MAP3K3: variants seen among roughly 807,000 people sequenced by gnomAD.
MAP3K3 encodes mitogen-activated protein kinase kinase kinase 3.
Under a neutral mutation model 80.9 loss-of-function variants are expected in MAP3K3, and 12 were observed. That is an observed-to-expected ratio of 0.15 (90% CI 0.10 to 0.24). The LOEUF (loss-of-function observed/expected upper bound fraction) is 0.24. Ranked by LOEUF, MAP3K3 falls within the 10% of genes least tolerant of loss-of-function variation. The pLI is 1.00. For synonymous variants in MAP3K3, 272 were observed against 307.1 expected, an observed-to-expected ratio of 0.89 and a Z score of 1.19; for missense variants, 596 against 834.7, an observed-to-expected ratio of 0.71 and a Z score of 3.52.
intron 5 of MAP3K3, among the ~76,000 whole-genome samples, chr17:63,658,497 T>C (rs1370981481): frequency 2.6e-5 from 4 of 152,218 alleles, no homozygotes; most frequent in African/African-American, 9.6e-5. Flanking sequence ...GAAGGATTCC[T>C]GGAGGCCCGC....
At position 63,692,315 on chromosome 17, in the gene MAP3K3, G is replaced by A. The variant is rs754638634; in HGVS notation, c.1548G>A (p.Thr516=). 20 of 1,613,946 alleles carry A rather than the reference G, an allele frequency of 1.2e-5. No individual in the cohort carries two copies. Among genetic ancestry groups the A allele is most frequent in the Non-Finnish European group, 1.6e-5 (19 of 1,180,006 alleles). The change falls in exon 15 of 16, where the codon ACG becomes ACA. Residue 516 remains threonine, a synonymous_variant. Transcript: ENST00000361733. The surrounding 1 kb of genome is among the most constrained non-coding windows in gnomAD (Gnocchi z 4.5). Reference sequence around the variant, plus strand: ...TTGGGGCCAGCAAACGCCTGCAGACGATCTGTATGTCGGGGACGGGCATGC... The same window carrying A: ...TTGGGGCCAGCAAACGCCTGCAGACAATCTGTATGTCGGGGACGGGCATGC... The part of the protein sequence containing the change: ...GDFGASKRLQ[T]ICMSGTGMRS...
intron 7 of MAP3K3, among the ~76,000 whole-genome samples, chr17:63,685,134 T>C (rs2035420544): frequency 6.6e-6 from 1 of 152,154 alleles, no homozygotes; most frequent in Admixed American, 6.5e-5. Context: ...TTGTAAATTA[T>C]AAATTATGGA....
chr17:63,663,798 G>A (rs900502528), intron 5 of MAP3K3, among the ~76,000 whole-genome samples: 10 of 151,908 alleles, frequency 6.6e-5, no homozygotes, highest in Admixed American at 4.6e-4. Flanking sequence ...AGGCTGAGGC[G>A]GGAGGATCAC....
In MAP3K3 at chr17:63,691,630, T is replaced by C; in HGVS notation, c.1345-103T>C. 1.3e-6 allele frequency: 2 copies of C among 1,489,404 alleles called. No individual in the cohort carries two copies. Among genetic ancestry groups the C allele is most frequent in the South Asian group, 1.3e-5 (1 of 77,348 alleles). The allele number at this position is 1,489,404 out of a possible 1,614,324, so 92.3% of individuals were successfully genotyped here. On this transcript the variant is annotated intron_variant, in intron 13 of 15. Transcript: ENST00000361733. The surrounding 1 kb of genome is among the most constrained non-coding windows in gnomAD (Gnocchi z 4.8). ...AATGCCCTGCCCAGCCAGATAGGAA[T>C]TGAACAAATCACTCCTTTGCTGCCA...
intron 5 of MAP3K3, among the ~76,000 whole-genome samples, chr17:63,664,636 T>C (rs2034964317): frequency 6.6e-6 from 1 of 152,200 alleles, no homozygotes; most frequent in South Asian, 2.1e-4. Flanking sequence ...TTTTTCATAT[T>C]GTTTGTGTTA....
At chr17:63,690,456 A>G (rs1358159045) in intron 12 of MAP3K3, 44 bp downstream of exon 12, 1 of 1,595,894 alleles carries the variant, frequency 6.3e-7, no homozygotes, top group African/African-American at 1.3e-5. Flanking sequence ...TCCTTTCAAC[A>G]AAAATGCCTG....
intron 7 of MAP3K3, among the ~76,000 whole-genome samples, chr17:63,684,494 C>A (rs2035406521): frequency 6.6e-6 from 1 of 152,132 alleles, no homozygotes; most frequent in East Asian, 1.9e-4. Flanking sequence ...TTTAAAAAAT[C>A]ATGTGTGACA....
chr17:63,689,530 T>G lies in MAP3K3; in HGVS notation c.872-14T>G. ...GGTGTGACTTGCTCTCCTCTGGCCC[T>G]TGCACCCTTTCAGGCAGAAGAACAT... On this transcript the variant is annotated splice_polypyrimidine_tract_variant and intron_variant, in intron 10 of 15. Transcript: ENST00000361733. This position sits in a 1 kb window ranked among gnomAD's most constrained non-coding sequence, Gnocchi z 4.3. 6.2e-7 allele frequency: 1 copy of G among 1,608,558 alleles called. No homozygotes were observed. Among genetic ancestry groups the G allele is most frequent in the Admixed American group, 1.7e-5 (1 of 59,656 alleles).
At chr17:63,636,894 C>T (rs1275774789) in intron 2 of MAP3K3, 2 of 455,510 alleles carry the variant, frequency 4.4e-6, no homozygotes, top group Non-Finnish European at 8.4e-6. Context: ...ACAATGAGAC[C>T]AATATAGCCC....
intron 2 of MAP3K3, chr17:63,634,856 A>G: frequency 7.1e-7 from 1 of 1,399,238 alleles, no homozygotes; most frequent in South Asian, 1.2e-5. Flanking sequence ...TCTGCTACTC[A>G]TGCTGCAACA....
At chr17:63,646,706 A>G (rs1328076241) in intron 3 of MAP3K3, among the ~76,000 whole-genome samples, 1 of 152,118 alleles carries the variant, frequency 6.6e-6, no homozygotes, top group African/African-American at 2.4e-5. Context: ...TATTTTCATT[A>G]TTGTTATTTT....
At chr17:63,666,469 A>G (rs928737785) in intron 5 of MAP3K3, among the ~76,000 whole-genome samples, 6 of 152,166 alleles carry the variant, frequency 3.9e-5, no homozygotes, top group Admixed American at 6.5e-5. Context: ...CTCTGTATCA[A>G]TCAATCAGTC....
Position 63,689,500 on chromosome 17 carries a change from C to T in MAP3K3, c.872-44C>T. ...CTGGTTTGTACGTTCCGCCTCGTAG[C>T]CTGGGGTGTGACTTGCTCTCCTCTG... is the stretch of plus-strand genomic sequence containing the variant. On this transcript the variant is annotated intron_variant, in intron 10 of 15. Transcript: ENST00000361733. This position sits in a 1 kb window ranked among gnomAD's most constrained non-coding sequence, Gnocchi z 4.3. The T allele has an allele frequency of 6.4e-7, 1 of 1,561,264 alleles. No individual in the cohort carries two copies. The highest frequency in any genetic ancestry group is 1.2e-5 in the South Asian group (1 of 85,542).
intron 1 of MAP3K3, among the ~76,000 whole-genome samples, chr17:63,630,502 AT>A (rs1278808781): frequency 6.6e-6 from 1 of 151,788 alleles, no homozygotes; most frequent in Admixed American, 6.6e-5. Flanking sequence ...AATTTTTTGT[AT>A]TTTTTGTAGA....
intron 1 of MAP3K3, among the ~76,000 whole-genome samples, chr17:63,628,886 A>G (rs928642604): frequency 7.9e-5 from 12 of 152,212 alleles, no homozygotes; most frequent in Admixed American, 2.6e-4. Flanking sequence ...CTCATTGATG[A>G]TAATAATAGC....
chr17:63,627,150 C>G (rs545004124), intron 1 of MAP3K3, among the ~76,000 whole-genome samples: 1 of 152,262 alleles, frequency 6.6e-6, no homozygotes, highest in Admixed American at 6.5e-5. Flanking sequence ...GTTGGGGTAC[C>G]AGGAGAAGAA....
At chr17:63,648,961 C>T (rs1036474945) in intron 3 of MAP3K3, among the ~76,000 whole-genome samples, 1 of 152,144 alleles carries the variant, frequency 6.6e-6, no homozygotes, top group African/African-American at 2.4e-5. Flanking sequence ...AGATGTTAGG[C>T]TTTGCGTGAA....
chr17:63,676,114 C>G (rs2035214821), intron 6 of MAP3K3, among the ~76,000 whole-genome samples: 1 of 152,210 alleles, frequency 6.6e-6, no homozygotes, highest in Non-Finnish European at 1.5e-5. Flanking sequence ...CCTGCTCCAG[C>G]CTGTGGGCCT....
chr17:63,677,854 A>G (rs374835082), intron 6 of MAP3K3, among the ~76,000 whole-genome samples: 2 of 151,274 alleles, frequency 1.3e-5, no homozygotes, highest in South Asian at 4.1e-4. Flanking sequence ...AGAAAGATAC[A>G]TGGCACTGTG....
Sources: allele counts gnomAD v4.1 joint callset (sites outside exome capture counted in the v4.1 genomes callset), GRCh38; gene constraint gnomAD v4.1.1; non-coding constraint Gnocchi (gnomAD v3.1); transcripts MANE v1.5; gene names NCBI Gene and HGNC (gene_info 2026-07-23, HGNC 2026-07-21).